The following TMEM272 variants were observed in gnomAD, a reference collection of about 807,000 sequenced individuals.
The protein encoded by TMEM272 is transmembrane protein 272.
Under a neutral mutation model 3.7 loss-of-function variants are expected in TMEM272, and 8 were observed. The observed-to-expected ratio is 2.17, with a 90% CI of 1.27 to 3.91. TMEM272 has a LOEUF of 3.91. Among genes scored for constraint, TMEM272 ranks in the 30% most tolerant of loss-of-function variants. The pLI is 0.00. For missense variants in TMEM272, 166 were observed against 91.5 expected (o/e 1.81, Z -3.32); for synonymous variants, 63 against 39.8 (o/e 1.58, Z -2.20).
Position 51,813,615 on chromosome 13 carries a change from G to C in TMEM272, c.*3136C>G, listed in dbSNP as rs1198528352. 2 of 214,920 alleles carry C rather than the reference G, an allele frequency of 9.3e-6. No homozygotes were observed. The highest frequency in any genetic ancestry group is 1.8e-5 in the Non-Finnish European group (2 of 109,874). 13.3% of individuals were successfully genotyped at this position (214,920 alleles called of 1,614,324 possible). On this transcript the variant is annotated 3_prime_UTR_variant, in exon 5 of 5. Coordinates refer to ENST00000629372, the MANE Select transcript of TMEM272 (RefSeq NM_001351003.2). ...CTGGCCACCGAATCAGAACCAGCTG[G>C]GCCCCACAAGTCAGTCTCTGGGGGC...
chr13:51,817,189 G>A (rs192782464), intron 4 of TMEM272, 76 bp from the exon 5 acceptor site: 45 of 639,508 alleles, frequency 7.0e-5, no homozygotes, highest in African/African-American at 1.4e-4. Flanking sequence ...AGAAGGTAGC[G>A]GTGGTGGGGT....
chr13:51,864,081 C>CCCTTCCTTCCCTCCCTT, the TMEM272 span, among the ~76,000 whole-genome samples: 181 of 150,236 alleles, frequency 1.2e-3, no homozygotes, highest in African/African-American at 4.0e-3. Flanking sequence ...TTCCCTCCCT[C>CCCTTCCTTCCCTCCCTT]CCTTCCTTCC....
chr13:51,872,663 T>C, the TMEM272 span, among the ~76,000 whole-genome samples: 1 of 151,816 alleles, frequency 6.6e-6, no homozygotes, highest in Non-Finnish European at 1.5e-5. Context: ...AGAGAAAAAG[T>C]GGAAGAGAGA....
the TMEM272 span, among the ~76,000 whole-genome samples, chr13:51,919,282 G>T: frequency 6.6e-6 from 1 of 152,126 alleles, no homozygotes. Flanking sequence ...TATAAATACA[G>T]AGAATAAGAA....
At chr13:51,844,256 ATGAT>A (rs1956286684) in intron 1 of TMEM272, among the ~76,000 whole-genome samples, 1 of 152,054 alleles carries the variant, frequency 6.6e-6, no homozygotes, top group Non-Finnish European at 1.5e-5. Context: ...ATATATATAT[ATGAT>A]TGTGTTTTTA....
At chr13:51,866,116 C>A in the TMEM272 span, 1 of 1,501,712 alleles carries the variant, frequency 6.7e-7, no homozygotes, top group Non-Finnish European at 8.9e-7. Context: ...GGTCCAGACT[C>A]CCCTGGGTTG....
chr13:51,847,921 A>C (rs1362725071), upstream of TMEM272, among the ~76,000 whole-genome samples: 11 of 152,224 alleles, frequency 7.2e-5, no homozygotes, highest in African/African-American at 2.7e-4. Context: ...ACATGCAGCA[A>C]AACATCAAAG....
chr13:51,863,691 A>ACACACACACACACAC, the TMEM272 span, among the ~76,000 whole-genome samples: 24 of 131,078 alleles, frequency 1.8e-4, no homozygotes, highest in African/African-American at 6.6e-4. Flanking sequence ...ACACACACAC[A>ACACACACACACACAC]CACACACACA....
the TMEM272 span, among the ~76,000 whole-genome samples, chr13:51,863,248 C>T: frequency 6.6e-6 from 1 of 152,184 alleles, no homozygotes; most frequent in Non-Finnish European, 1.5e-5. Flanking sequence ...GAGGGAGAAG[C>T]AAGCTGGAGT....
At chr13:51,927,805 T>A in the TMEM272 span, among the ~76,000 whole-genome samples, 2 of 152,284 alleles carry the variant, frequency 1.3e-5, no homozygotes, top group South Asian at 4.2e-4. Context: ...ATTCTAATGA[T>A]GACTGCCTTT....
At chr13:51,863,665 G>GCACA in the TMEM272 span, among the ~76,000 whole-genome samples, 13 of 103,762 alleles carry the variant, frequency 1.3e-4, no homozygotes, top group African/African-American at 5.0e-4. Flanking sequence ...ATATGCACGC[G>GCACA]CACACAGACA....
At chr13:51,861,276 C>CT in the TMEM272 span, among the ~76,000 whole-genome samples, 1 of 151,972 alleles carries the variant, frequency 6.6e-6, no homozygotes, top group Non-Finnish European at 1.5e-5. Flanking sequence ...ATTTAGAGAT[C>CT]TAAGGTACAA....
chr13:51,837,486 C>T (rs1956225526), intron 2 of TMEM272, among the ~76,000 whole-genome samples: 1 of 152,152 alleles, frequency 6.6e-6, no homozygotes, highest in Non-Finnish European at 1.5e-5. Flanking sequence ...GGAGGGTGGC[C>T]CTTAGAGCTG....
chr13:51,848,183 T>C (rs1412786631), upstream of TMEM272, among the ~76,000 whole-genome samples: 4 of 152,134 alleles, frequency 2.6e-5, no homozygotes, highest in Non-Finnish European at 4.4e-5. Context: ...CAACTGACAG[T>C]GGAAGCAGTT....
chr13:51,904,570 G>C, the TMEM272 span, among the ~76,000 whole-genome samples: 1 of 152,184 alleles, frequency 6.6e-6, no homozygotes, highest in Non-Finnish European at 1.5e-5. Flanking sequence ...TAGATCAAAA[G>C]AGAAAAGATA....
chr13:51,874,515 G>A, the TMEM272 span, among the ~76,000 whole-genome samples: 1 of 152,178 alleles, frequency 6.6e-6, no homozygotes, highest in Admixed American at 6.5e-5. Flanking sequence ...CTGAGGGAAG[G>A]AGTGTGAGGC....
chr13:51,883,089 G>A, the TMEM272 span, among the ~76,000 whole-genome samples: 2 of 152,238 alleles, frequency 1.3e-5, no homozygotes, highest in African/African-American at 4.8e-5. Flanking sequence ...GCCAGCAACC[G>A]TGGAGCCCCA....
chr13:51,816,912 G>A lies in TMEM272; in HGVS notation c.403C>T (p.Leu135Phe). ...TCCTGAGGCTGCTGGAAAGGGGGAAGAAAATCAGGCAGGTACACAGAAAAG... is the reference window on the plus strand; with the variant it reads ...TCCTGAGGCTGCTGGAAAGGGGGAAAAAAATCAGGCAGGTACACAGAAAAG... ...WVFSVYLPDF[L>F]PPFQQPQDYC... The change falls in exon 5 of 5, where the codon CTT (leucine) becomes TTT (phenylalanine). Residue 135 changes from leucine to phenylalanine, a missense_variant. Physicochemically the swap from Leu to Phe is conservative, Grantham distance 22 (BLOSUM62 0). Coordinates refer to ENST00000629372, the MANE Select transcript of TMEM272 (RefSeq NM_001351003.2). The A allele has an allele frequency of 1.4e-6, 1 of 703,056 alleles. No homozygotes were observed. Among genetic ancestry groups the A allele is most frequent in the Non-Finnish European group, 2.6e-6 (1 of 385,012 alleles). 43.6% of individuals were successfully genotyped at this position (703,056 alleles called of 1,614,324 possible). A position where few individuals can be genotyped will look rare whatever the true frequency, so the allele number is the denominator to read the frequency against.
chr13:51,898,495 C>T, the TMEM272 span, among the ~76,000 whole-genome samples: 6 of 151,588 alleles, frequency 4.0e-5, no homozygotes, highest in Non-Finnish European at 7.4e-5. Flanking sequence ...TGGCAGCTAC[C>T]ACTACATAAA....
Sources: allele counts gnomAD v4.1 joint callset (sites outside exome capture counted in the v4.1 genomes callset), GRCh38; gene constraint gnomAD v4.1.1; transcripts MANE v1.5; gene names NCBI Gene and HGNC (gene_info 2026-07-23, HGNC 2026-07-21).